ZBTB21: variants seen among roughly 807,000 people sequenced by gnomAD.
ZBTB21 encodes the protein zinc finger and BTB domain-containing protein 21.
ZBTB21 carries 10 observed loss-of-function variants against 39.8 expected under a neutral mutation model. The observed-to-expected ratio is 0.25, with a 90% CI of 0.16 to 0.43. The LOEUF (loss-of-function observed/expected upper bound fraction) is 0.43, where lower values mean the gene tolerates loss of function less well. ZBTB21 is among the 20% of genes least tolerant of loss of function. ZBTB21 has a pLI of 1.00. For missense variants in ZBTB21, 1,221 were observed against 1,296.3 expected (o/e 0.94, Z 0.89); for synonymous variants, 551 against 498.8 (o/e 1.10, Z -1.40).
At chr21:41,994,151 A>G (rs2065714937) in intron 2 of ZBTB21, 43 bp from the exon 3 acceptor site, 1 of 1,508,654 alleles carries the variant, frequency 6.6e-7, no homozygotes, top group Admixed American at 2.3e-5. Flanking sequence ...TTGCAGTGAA[A>G]AGTTCCCCTG....
At chr21:41,994,154 T>C (rs1360576768) in intron 2 of ZBTB21, 46 bp from the exon 3 acceptor site, 3 of 1,497,742 alleles carry the variant, frequency 2.0e-6, no homozygotes, top group Admixed American at 2.3e-5. Context: ...CAGTGAAAAG[T>C]TCCCCTGGCT....
rs1470778026 is a variant in ZBTB21, at chr21:41,993,386, C to T, written c.710G>A (p.Arg237Lys). The T allele has an allele frequency of 6.2e-7, 1 of 1,614,186 alleles. No homozygotes were observed. The highest frequency in any genetic ancestry group is 8.5e-7 in the Non-Finnish European group (1 of 1,180,034). ...AGGCTTTGAAGGCAACACTGCATTT[C>T]TTTTCACCAAACTGATTCTATTAGG... Reference protein sequence around the residue: ...DDPNRISLVKRNAVLPSKPLQ... With the variant: ...DDPNRISLVKKNAVLPSKPLQ... The change falls in exon 3 of 3, where the codon AGA becomes AAA. Residue 237 changes from arginine (R) to lysine (K), a missense_variant. By Grantham distance (26) the Arg-to-Lys change is conservative (BLOSUM62 2). This residue lies in a region of ZBTB21 where 500 missense variants were observed against 465.6 expected (regional missense o/e 1.07). Coordinates refer to ENST00000310826, the MANE Select transcript of ZBTB21 (RefSeq NM_001098402.2).
At chr21:41,996,352 T>G (rs2065746710) in intron 2 of ZBTB21, among the ~76,000 whole-genome samples, 1 of 152,240 alleles carries the variant, frequency 6.6e-6, no homozygotes, top group South Asian at 2.1e-4. Flanking sequence ...TATATCAGCT[T>G]GACCTGGATG....
chr21:41,994,176 G>A, intron 2 of ZBTB21, 68 bp from the exon 3 acceptor site: 1 of 1,400,428 alleles, frequency 7.1e-7, no homozygotes, highest in Non-Finnish European at 9.7e-7. Flanking sequence ...CTCAAGAGCA[G>A]GGAACATCAG....
rs1486777173 is a variant in ZBTB21, at chr21:41,991,033, G to C, written c.3063C>G (p.Pro1021=). Residue 1021 remains proline, a synonymous_variant, in exon 3 of 3, where the codon CCC becomes CCG. Transcript: ENST00000310826. This position sits in a 1 kb window ranked among gnomAD's most constrained non-coding sequence, Gnocchi z 4.9. ...PTPATEKLFV[P]QESDTLFYHA... Reference sequence around the variant, plus strand: ...GGTAAAAAAGGGTGTCTGATTCTTGGGGCACAAACAGTTTTTCTGTGGCTG... The same window carrying C: ...GGTAAAAAAGGGTGTCTGATTCTTGCGGCACAAACAGTTTTTCTGTGGCTG... 3 of 1,581,422 alleles carry C rather than the reference G, an allele frequency of 1.9e-6. No individual in the cohort carries two copies. The highest frequency in any genetic ancestry group is 2.6e-6 in the Non-Finnish European group (3 of 1,165,122).
rs540195627 is a variant in ZBTB21, at chr21:41,992,879, C to CGAT, written c.1214_1216dup (p.His405dup). 3.6e-4 allele frequency: 577 copies of CGAT among 1,614,146 alleles called. 10 individuals are homozygous for CGAT. In the East Asian group the frequency reaches 0.013, roughly 36 times the overall value. On this transcript the variant is annotated inframe_insertion, in exon 3 of 3. Transcript: ENST00000310826. This position sits in a 1 kb window ranked among gnomAD's most constrained non-coding sequence, Gnocchi z 4.1. ...CTGAGAAGCACTAAAGGACCTGAGG[C>CGAT]GATGCGGTTGTAGCACTTGAGGCCT... is the stretch of plus-strand genomic sequence containing the variant.
intron 2 of ZBTB21, among the ~76,000 whole-genome samples, chr21:41,999,704 C>T (rs768694431): frequency 1.3e-5 from 2 of 151,932 alleles, no homozygotes; most frequent in African/African-American, 2.4e-5. Context: ...GTGAAGGAGG[C>T]GAGGGATGAG....
chr21:41,993,261 C>A lies in ZBTB21; in HGVS notation c.835G>T (p.Val279Phe). ...TCTGATGAGCTACAAACAGACAAAACAGGTGGCCGTGGTCTCTTCAAAGCC... is the reference window on the plus strand; with the variant it reads ...TCTGATGAGCTACAAACAGACAAAAAAGGTGGCCGTGGTCTCTTCAAAGCC... The part of the protein sequence containing the change: ...ELALKRPRPP[V>F]LSVCSSSETP... Residue 279 changes from valine (V) to phenylalanine (F), a missense_variant, in exon 3 of 3, where the codon GTT becomes TTT. Coordinates refer to ENST00000310826, the MANE Select transcript of ZBTB21 (RefSeq NM_001098402.2). 1 of 1,611,966 alleles carries A rather than the reference C, an allele frequency of 6.2e-7. No homozygotes were observed. Among genetic ancestry groups the A allele is most frequent in the Non-Finnish European group, 8.5e-7 (1 of 1,180,026 alleles).
chr21:41,992,750 C>T lies in ZBTB21; in HGVS notation c.1346G>A (p.Gly449Glu), dbSNP rs1243978192. The T allele has an allele frequency of 6.2e-7, 1 of 1,614,142 alleles. No homozygotes were observed. The highest frequency in any genetic ancestry group is 8.5e-7 in the Non-Finnish European group (1 of 1,180,040). The change falls in exon 3 of 3, where the codon GGA becomes GAA. Residue 449 changes from glycine (G) to glutamate (E), a missense_variant. By Grantham distance (98) the Gly-to-Glu change is moderately conservative (BLOSUM62 -2). Around this residue, in one of 4 missense-constraint regions of ZBTB21, gnomAD observed 500 missense variants for 465.6 expected, o/e 1.07. Transcript: ENST00000310826. The surrounding 1 kb of genome is among the most constrained non-coding windows in gnomAD (Gnocchi z 4.1). ...GGCAGCTGCTGTTGTTGCCGCATCT[C>T]CCACAGTGACGCGGATGATGTCCGA... The part of the protein sequence containing the change: ...DPSDIIRVTV[G>E]DAATTAAASS...
chr21:41,999,822 C>A (rs1371922441), intron 2 of ZBTB21, among the ~76,000 whole-genome samples: 3 of 152,058 alleles, frequency 2.0e-5, no homozygotes, highest in African/African-American at 7.3e-5. Flanking sequence ...ATCTGAGAGG[C>A]AATAAGAAGT....
At chr21:41,998,464 T>C (rs2146311486) in intron 2 of ZBTB21, among the ~76,000 whole-genome samples, 1 of 152,342 alleles carries the variant, frequency 6.6e-6, no homozygotes, top group South Asian at 2.1e-4. Context: ...GTGCTGGGAT[T>C]ACAGGTGTGA....
Position 41,991,185 on chromosome 21 carries a change from C to T in ZBTB21, c.2911G>A (p.Glu971Lys). 6.2e-7 allele frequency: 1 copy of T among 1,614,110 alleles called. No homozygotes were observed. The highest frequency in any genetic ancestry group is 8.5e-7 in the Non-Finnish European group (1 of 1,180,020). The change falls in exon 3 of 3, where the codon GAA (glutamate) becomes AAA (lysine). Residue 971 changes from glutamate to lysine, a missense_variant. By Grantham distance (56) the Glu-to-Lys change is moderately conservative. Around this residue, in one of 4 missense-constraint regions of ZBTB21, gnomAD observed 523 missense variants for 542.5 expected, o/e 0.96. Transcript: ENST00000310826. This position sits in a 1 kb window ranked among gnomAD's most constrained non-coding sequence, Gnocchi z 4.9. ...GTGGGAACAGGGCACACCTCAGATT[C>T]CTTATGTGCCGATTCCTCTGAAGCC... ...SQASEESAHK[E>K]SEVCPVPTNS...
Position 41,987,549 on chromosome 21 carries a change from T to A in ZBTB21, c.*3346A>T, listed in dbSNP as rs953579399. The A allele has an allele frequency of 2.6e-4, 39 of 152,234 alleles. No homozygotes were observed. The highest frequency in any genetic ancestry group is 9.4e-4 in the African/African-American group (39 of 41,458). 9.4% of individuals were successfully genotyped at this position (152,234 alleles called of 1,614,324 possible). Reference sequence around the variant, plus strand: ...TTAAATCAATAATGCATTTCACAATTATTGCAGAAACATCACTGAGACATC... The same window carrying A: ...TTAAATCAATAATGCATTTCACAATAATTGCAGAAACATCACTGAGACATC... On this transcript the variant is annotated 3_prime_UTR_variant, in exon 3 of 3. Coordinates refer to ENST00000310826, the MANE Select transcript of ZBTB21 (RefSeq NM_001098402.2).
intron 1 of ZBTB21, chr21:42,009,699 C>G (rs1260259432): frequency 6.5e-6 from 1 of 152,688 alleles, no homozygotes; most frequent in Non-Finnish European, 1.5e-5. Flanking sequence ...GCTCCGGCCA[C>G]CGGGCCGAGG....
At chr21:42,003,402 G>T (rs1189888443) in intron 1 of ZBTB21, among the ~76,000 whole-genome samples, 1 of 152,168 alleles carries the variant, frequency 6.6e-6, no homozygotes, top group African/African-American at 2.4e-5. Context: ...AATTAACAAA[G>T]GATGTGAAGA....
At position 41,991,495 on chromosome 21, in the gene ZBTB21, G is replaced by A. The variant is rs766367922; in HGVS notation, c.2601C>T (p.Asp867=). Residue 867 remains aspartate (D), a synonymous_variant, in exon 3 of 3, where the codon GAC becomes GAT. Transcript: ENST00000310826. This position sits in a 1 kb window ranked among gnomAD's most constrained non-coding sequence, Gnocchi z 4.9. ...DSEDSSCLPE[D]LSLSKQLKIQ... The stretch of plus-strand genomic sequence containing the variant: ...TTTTCAGTTGCTTGGAAAGACTAAG[G>A]TCTTCGGGAAGACAAGAGGAATCTT... 2 of 1,614,136 alleles carry A rather than the reference G, an allele frequency of 1.2e-6. No homozygotes were observed. The highest frequency in any genetic ancestry group is 1.7e-5 in the Admixed American group (1 of 60,020).
In ZBTB21 at chr21:42,008,566, A is replaced by AAAAAG. The variant is rs201616852; in HGVS notation, c.-79+1681_-79+1685dup. Among the ~76,000 whole-genome samples, 3 of 138,852 alleles carry AAAAAG rather than the reference A, an allele frequency of 2.2e-5. No individual in the cohort carries two copies. In the Admixed American group the frequency reaches 2.3e-4, roughly 10 times the overall value. 91.1% of individuals were successfully genotyped at this position (138,852 alleles called of 152,430 possible). On this transcript the variant is annotated intron_variant, in intron 1 of 2. Transcript: ENST00000310826. ...AAAAAAAAAAAAAAAAAAAAAAGAAAAAAAGAAAAGAAAAGAAAAAATTGT... is the reference window on the plus strand; with the variant it reads ...AAAAAAAAAAAAAAAAAAAAAAGAAAAAAAGAAAAGAAAAGAAAAGAAAAAATTGT...
intron 2 of ZBTB21, 128 bp from the exon 3 acceptor site, chr21:41,994,236 C>T (rs1415791909): frequency 5.8e-6 from 4 of 694,186 alleles, no homozygotes; most frequent in Non-Finnish European, 9.0e-6. Flanking sequence ...CTAACAGAAG[C>T]TCTATGAATG....
rs68176203 is a variant in ZBTB21, at chr21:42,008,540, C to CAAAAAAAA, written c.-79+1704_-79+1711dup. ...TGGGGCAACAAGAGTGAAACTCTGT[C>CAAAAAAAA]AAAAAAAAAAAAAAAAAAAAAAGAA... On this transcript the variant is annotated intron_variant, in intron 1 of 2. Coordinates refer to ENST00000310826, the MANE Select transcript of ZBTB21 (RefSeq NM_001098402.2). Among the ~76,000 whole-genome samples the CAAAAAAAA allele has an allele frequency of 3.4e-3, 201 of 59,646 alleles. 1 individual carries two copies. Among genetic ancestry groups the CAAAAAAAA allele is most frequent in the East Asian group, 5.1e-3 (9 of 1,768 alleles). The allele number at this position is 59,646 out of a possible 152,430, so 39.1% of individuals were successfully genotyped here. A position where few individuals can be genotyped will look rare whatever the true frequency, so the allele number is the denominator to read the frequency against.
Sources: gnomAD v4.1 joint callset for allele counts (sites outside exome capture counted in the v4.1 genomes callset) on GRCh38, gnomAD v4.1.1 for gene constraint, gnomAD v4.1.1 regional missense constraint, Gnocchi (gnomAD v3.1) non-coding constraint, MANE v1.5 for transcripts, NCBI Gene and HGNC (gene_info 2026-07-23, HGNC 2026-07-21) for gene names.